The following CACNA2D1 variants were observed in gnomAD, a reference collection of about 807,000 sequenced individuals.
CACNA2D1 encodes calcium voltage-gated channel auxiliary subunit alpha2delta 1.
A neutral mutation model predicts 171.5 loss-of-function variants in CACNA2D1; 53 were observed. That is an observed-to-expected ratio of 0.31 (90% CI 0.25 to 0.39). The LOEUF is 0.39. CACNA2D1 is among the 10% of genes least tolerant of loss of function. CACNA2D1 has a pLI of 1.00. For synonymous variants in CACNA2D1, 442 were observed against 443.1 expected, an observed-to-expected ratio of 1.00 and a Z score of 0.03; for missense variants, 903 against 1,299.8, an observed-to-expected ratio of 0.69 and a Z score of 4.69.
chr7:82,153,470 C>G (rs904900508), intron 4 of CACNA2D1, among the ~76,000 whole-genome samples: 20 of 152,116 alleles, frequency 1.3e-4, no homozygotes, highest in African/African-American at 4.6e-4. Flanking sequence ...AAGACAAATG[C>G]CCAATTGCAC....
At chr7:82,060,225 A>ATATATATAT (rs1806661651) in intron 10 of CACNA2D1, among the ~76,000 whole-genome samples, 2 of 64,086 alleles carry the variant, frequency 3.1e-5, no homozygotes, top group Non-Finnish European at 6.2e-5. Context: ...TATATATAAT[A>ATATATATAT]TATATATATA....
intron 6 of CACNA2D1, among the ~76,000 whole-genome samples, chr7:82,102,713 C>T (rs554237300): frequency 2.6e-5 from 4 of 152,174 alleles, no homozygotes; most frequent in Admixed American, 6.5e-5. Context: ...TTCCAGAGGG[C>T]CCTGTGCTGG....
At chr7:82,021,973 T>C (rs1801270737) in intron 12 of CACNA2D1, among the ~76,000 whole-genome samples, 1 of 152,010 alleles carries the variant, frequency 6.6e-6, no homozygotes, top group African/African-American at 2.4e-5. Context: ...AAATTTTACT[T>C]GGAATTTCAA....
At chr7:82,033,455 A>C (rs1802949777) in intron 11 of CACNA2D1, among the ~76,000 whole-genome samples, 1 of 152,112 alleles carries the variant, frequency 6.6e-6, no homozygotes, top group Non-Finnish European at 1.5e-5. Flanking sequence ...AACAAAAAAT[A>C]ACATTAATTT....
chr7:82,132,216 GTTT>G (rs1014419285), intron 5 of CACNA2D1, among the ~76,000 whole-genome samples: 3 of 152,134 alleles, frequency 2.0e-5, no homozygotes, highest in African/African-American at 7.2e-5. Context: ...CCCCCAAAGG[GTTT>G]GATTATATTT....
At chr7:82,359,463 T>A (rs1820839112) in intron 1 of CACNA2D1, among the ~76,000 whole-genome samples, 1 of 152,184 alleles carries the variant, frequency 6.6e-6, no homozygotes, top group African/African-American at 2.4e-5. Context: ...AAATGGTGAA[T>A]CTACTTCCCC....
chr7:82,011,144 ATTGT>A (rs1293289402), intron 15 of CACNA2D1, among the ~76,000 whole-genome samples: 2 of 152,076 alleles, frequency 1.3e-5, no homozygotes, highest in Admixed American at 6.6e-5. Context: ...GCATTACAGG[ATTGT>A]TTAACAGCGT....
Position 82,137,707 on chromosome 7 carries a change from T to TAAA in CACNA2D1, c.355-1034_355-1032dup, listed in dbSNP as rs1174278503. Among the ~76,000 whole-genome samples the TAAA allele has an allele frequency of 7.4e-3, 586 of 78,766 alleles. 64 individuals carry two copies. Among genetic ancestry groups the TAAA allele is most frequent in the African/African-American group, 0.028 (531 of 18,714 alleles). The allele number at this position is 78,766 out of a possible 152,430, so 51.7% of individuals were successfully genotyped here. A position where few individuals can be genotyped will look rare whatever the true frequency, so the allele number is the denominator to read the frequency against. ...TAATACAGTGAAACTCCGTCTCTACTAAAAAAAAAAAAAAAAAAAAAAATT... is the reference window on the plus strand; with the variant it reads ...TAATACAGTGAAACTCCGTCTCTACTAAAAAAAAAAAAAAAAAAAAAAAAAATT... On this transcript the variant is annotated intron_variant, in intron 4 of 38. Transcript: ENST00000356860.
intron 2 of CACNA2D1, among the ~76,000 whole-genome samples, chr7:82,342,286 T>C (rs1358762867): frequency 6.6e-6 from 1 of 152,184 alleles, no homozygotes; most frequent in East Asian, 1.9e-4. Context: ...TCTATTCCCC[T>C]TCACCACAAG....
At chr7:82,347,262 A>T (rs1819355766) in intron 2 of CACNA2D1, among the ~76,000 whole-genome samples, 2 of 152,138 alleles carry the variant, frequency 1.3e-5, no homozygotes, top group South Asian at 2.1e-4. Context: ...ACTAAATTGC[A>T]AAAATATATT....
intron 3 of CACNA2D1, among the ~76,000 whole-genome samples, chr7:82,227,575 A>C (rs1802489596): frequency 6.6e-6 from 1 of 152,206 alleles, no homozygotes. Context: ...TAGAAGGGAA[A>C]TTCCTTGGAC....
intron 1 of CACNA2D1, among the ~76,000 whole-genome samples, chr7:82,430,758 T>C (rs952375295): frequency 3.9e-5 from 6 of 152,148 alleles, no homozygotes; most frequent in African/African-American, 9.7e-5. Flanking sequence ...TCTGTATTGG[T>C]TGCGAAAAAC....
At chr7:82,116,183 G>C (rs151055974) in intron 6 of CACNA2D1, among the ~76,000 whole-genome samples, 1 of 152,144 alleles carries the variant, frequency 6.6e-6, no homozygotes, top group Admixed American at 6.6e-5. Context: ...GGTGCAGGAT[G>C]GGGTGGAGGG....
intron 1 of CACNA2D1, among the ~76,000 whole-genome samples, chr7:82,352,359 A>G (rs1819944111): frequency 6.6e-6 from 1 of 152,320 alleles, no homozygotes; most frequent in Non-Finnish European, 1.5e-5. Flanking sequence ...TTTTTTATCA[A>G]TCTTTCTCTT....
intron 3 of CACNA2D1, among the ~76,000 whole-genome samples, chr7:82,177,557 G>T (rs1796673656): frequency 6.6e-6 from 1 of 151,998 alleles, no homozygotes; most frequent in Non-Finnish European, 1.5e-5. Context: ...GATAATATCT[G>T]GAGGAGGACA....
chr7:82,055,930 G>GTGTATATATATATATATATATA (rs71093357), intron 10 of CACNA2D1, among the ~76,000 whole-genome samples: 62 of 111,448 alleles, frequency 5.6e-4, no homozygotes, highest in African/African-American at 1.9e-3. Flanking sequence ...GTGTGTGTGT[G>GTGTATATATATATATATATATA]TATATATATA....
intron 6 of CACNA2D1, among the ~76,000 whole-genome samples, chr7:82,085,820 T>A (rs17242862): frequency 0.098 from 14,973 of 152,080 alleles, 884 homozygotes; most frequent in South Asian, 0.12. Context: ...TACCACTCAT[T>A]ACAATGAAAG....
chr7:82,252,395 G>A (rs1165207198), intron 3 of CACNA2D1, among the ~76,000 whole-genome samples: 3 of 152,222 alleles, frequency 2.0e-5, no homozygotes, highest in African/African-American at 7.2e-5. Flanking sequence ...GGCCTGTCTG[G>A]CCTTATCACA....
At chr7:82,164,443 ATTGGT>A (rs1277784753) in intron 4 of CACNA2D1, among the ~76,000 whole-genome samples, 1 of 151,672 alleles carries the variant, frequency 6.6e-6, no homozygotes, top group Non-Finnish European at 1.5e-5. Context: ...AAAATCTAAC[ATTGGT>A]TGATCAAAAA....
Sources: allele counts gnomAD v4.1 joint callset (sites outside exome capture counted in the v4.1 genomes callset), GRCh38; gene constraint gnomAD v4.1.1; transcripts MANE v1.5; gene names NCBI Gene and HGNC (gene_info 2026-07-23, HGNC 2026-07-21).